The following TEX261 variants were observed in gnomAD, a reference collection of about 807,000 sequenced individuals.
The protein encoded by TEX261 is testis expressed 261.
Under a neutral mutation model 25.1 loss-of-function variants are expected in TEX261, and 13 were observed. The observed-to-expected ratio is 0.52, with a 90% CI of 0.34 to 0.82. TEX261 has a LOEUF of 0.82. Ranked by LOEUF, TEX261 falls within the 40% of genes least tolerant of loss-of-function variation. The pLI is 0.02. For missense variants in TEX261, 206 were observed against 243.2 expected (o/e 0.85, Z 1.02); for synonymous variants, 92 against 97.8 (o/e 0.94, Z 0.35).
chr2:70,989,287 T>C, intron 4 of TEX261: 1 of 526,816 alleles, frequency 1.9e-6, no homozygotes, highest in Non-Finnish European at 3.4e-6. Context: ...GCAGACAAAG[T>C]GCTAAGCCAT....
In TEX261 at chr2:70,994,832, ACCGCCGCCG is replaced by A. The variant is rs532077917; in HGVS notation, c.-84_-76del. 19 of 1,270,070 alleles carry A rather than the reference ACCGCCGCCG, an allele frequency of 1.5e-5. No individual in the cohort carries two copies. The highest frequency in any genetic ancestry group is 2.9e-5 in the South Asian group (1 of 34,534). 78.7% of individuals were successfully genotyped at this position (1,270,070 alleles called of 1,614,324 possible). ...TCGGCTCCGGCGACACACAGCCGCC[ACCGCCGCCG>A]CCGCCGCCGCGTCCCCGCCCCGCGG... On this transcript the variant is annotated 5_prime_UTR_variant, in exon 1 of 6. Coordinates refer to ENST00000272438, the MANE Select transcript of TEX261 (RefSeq NM_144582.3).
chr2:70,989,666 G>T, intron 4 of TEX261, 83 bp downstream of exon 4: 1 of 953,700 alleles, frequency 1.0e-6, no homozygotes, highest in Non-Finnish European at 1.7e-6. Flanking sequence ...TCAAATCATA[G>T]CTAAGTTTAT....
intron 2 of TEX261, among the ~76,000 whole-genome samples, chr2:70,993,070 T>C (rs530491938): frequency 2.6e-5 from 4 of 152,294 alleles, no homozygotes; most frequent in African/African-American, 9.6e-5. Context: ...AGAGTGCACA[T>C]GGCTGCTGAC....
At chr2:70,994,272 G>A (rs1161533345) in intron 1 of TEX261, among the ~76,000 whole-genome samples, 7 of 152,252 alleles carry the variant, frequency 4.6e-5, no homozygotes, top group Admixed American at 3.9e-4. Flanking sequence ...CATCTCAACT[G>A]AGGCCGAATG....
At chr2:70,991,067 C>T (rs1670290092) in intron 3 of TEX261, among the ~76,000 whole-genome samples, 1 of 152,202 alleles carries the variant, frequency 6.6e-6, no homozygotes, top group Non-Finnish European at 1.5e-5. Context: ...GCTAGGGTAG[C>T]CAGCAATGAT....
At position 70,993,768 on chromosome 2, in the gene TEX261, T is replaced by G. The variant is rs781980981; in HGVS notation, c.78A>C (p.Gly26=). 6 of 1,612,368 alleles carry G rather than the reference T, an allele frequency of 3.7e-6. No homozygotes were observed. Among genetic ancestry groups the G allele is most frequent in the Non-Finnish European group, 5.1e-6 (6 of 1,179,870 alleles). Residue 26 remains glycine, a synonymous_variant, in exon 2 of 6, where the codon GGA becomes GGC. Coordinates refer to ENST00000272438, the MANE Select transcript of TEX261 (RefSeq NM_144582.3). ...CTATCAGTTCTGCCAGGTAATAGAG[T>G]CCAGCCGCTGCAGGGTGGGAGGCAG... is the stretch of plus-strand genomic sequence containing the variant. The part of the protein sequence containing the change: ...VAFITLAVAA[G]LYYLAELIEE...
chr2:70,991,476 A>G (rs1283099816), intron 3 of TEX261, among the ~76,000 whole-genome samples: 1 of 152,218 alleles, frequency 6.6e-6, no homozygotes, highest in Non-Finnish European at 1.5e-5. Context: ...CTGCCTGCCT[A>G]CCGGAAGGGC....
At position 70,994,830 on chromosome 2, in the gene TEX261, C is replaced by T; in HGVS notation, c.-73G>A. ...CTTCGGCTCCGGCGACACACAGCCGCCACCGCCGCCGCCGCCGCCGCGTCC... is the reference window on the plus strand; with the variant it reads ...CTTCGGCTCCGGCGACACACAGCCGTCACCGCCGCCGCCGCCGCCGCGTCC... On this transcript the variant is annotated 5_prime_UTR_variant, in exon 1 of 6. Transcript: ENST00000272438. 7.8e-7 allele frequency: 1 copy of T among 1,285,412 alleles called. No homozygotes were observed. The allele number at this position is 1,285,412 out of a possible 1,614,324, so 79.6% of individuals were successfully genotyped here. A position where few individuals can be genotyped will look rare whatever the true frequency, so the allele number is the denominator to read the frequency against.
At position 70,986,270 on chromosome 2, in the gene TEX261, G is replaced by A. The variant is rs1026528316; in HGVS notation, c.*2330C>T. The A allele has an allele frequency of 1.3e-5, 2 of 152,700 alleles. No individual in the cohort carries two copies. Among genetic ancestry groups the A allele is most frequent in the Non-Finnish European group, 2.9e-5 (2 of 68,074 alleles). The allele number at this position is 152,700 out of a possible 1,614,324, so 9.5% of individuals were successfully genotyped here. A position where few individuals can be genotyped will look rare whatever the true frequency, so the allele number is the denominator to read the frequency against. On this transcript the variant is annotated 3_prime_UTR_variant, in exon 6 of 6. Coordinates refer to ENST00000272438, the MANE Select transcript of TEX261 (RefSeq NM_144582.3). Reference sequence around the variant, plus strand: ...TGCATCTCTGGATACAGGAGGCTGGGACCCAGAATGCAAGAAGGCAAGTGA... The same window carrying A: ...TGCATCTCTGGATACAGGAGGCTGGAACCCAGAATGCAAGAAGGCAAGTGA...
intron 3 of TEX261, among the ~76,000 whole-genome samples, chr2:70,991,330 G>A (rs539052969): frequency 4.9e-4 from 74 of 152,300 alleles, no homozygotes; most frequent in African/African-American, 1.6e-3. Context: ...CCGAGGCAGC[G>A]GCAGCCAGTG....
In TEX261 at chr2:70,988,285, C is replaced by A. The variant is rs1670227802; in HGVS notation, c.*315G>T. ...CTGCTCTTAAGCTTCACAGACCCTG[C>A]CCTGCCTGCCCCAGCGGGGCCAGAA... On this transcript the variant is annotated 3_prime_UTR_variant, in exon 6 of 6. Coordinates refer to ENST00000272438, the MANE Select transcript of TEX261 (RefSeq NM_144582.3). 2 of 327,296 alleles carry A rather than the reference C, an allele frequency of 6.1e-6. No individual in the cohort carries two copies. The highest frequency in any genetic ancestry group is 1.2e-5 in the Non-Finnish European group (2 of 173,180). The allele number at this position is 327,296 out of a possible 1,614,324, so 20.3% of individuals were successfully genotyped here.
Position 70,986,856 on chromosome 2 carries a change from A to C in TEX261, c.*1744T>G, listed in dbSNP as rs1353657050. ...CTAGGGAGCCCACAGCAGAACCCTG[A>C]AAGACCCTACTGTGCATGGGCAAGT... On this transcript the variant is annotated 3_prime_UTR_variant, in exon 6 of 6. Transcript: ENST00000272438. 1 of 152,260 alleles carries C rather than the reference A, an allele frequency of 6.6e-6. No individual in the cohort carries two copies. The highest frequency in any genetic ancestry group is 1.5e-5 in the Non-Finnish European group (1 of 68,074). 9.4% of individuals were successfully genotyped at this position (152,260 alleles called of 1,614,324 possible). A position where few individuals can be genotyped will look rare whatever the true frequency, so the allele number is the denominator to read the frequency against.
At position 70,994,527 on chromosome 2, in the gene TEX261, G is replaced by C. The variant is rs1480572800; in HGVS notation, c.70+161C>G. On this transcript the variant is annotated intron_variant, in intron 1 of 5. Transcript: ENST00000272438. ...ACGGTCAGGCCGGGCTGCCAGGCTCGACAGGAGGGGCAGGATCAGGCGGGA... is the reference window on the plus strand; with the variant it reads ...ACGGTCAGGCCGGGCTGCCAGGCTCCACAGGAGGGGCAGGATCAGGCGGGA... The C allele has an allele frequency of 1.0e-5, 11 of 1,060,782 alleles. No homozygotes were observed. In the Admixed American group the frequency reaches 1.5e-4, roughly 15 times the overall value. 65.7% of individuals were successfully genotyped at this position (1,060,782 alleles called of 1,614,324 possible).
intron 2 of TEX261, among the ~76,000 whole-genome samples, chr2:70,993,059 C>T (rs1382967243): frequency 1.3e-5 from 2 of 152,222 alleles, no homozygotes; most frequent in African/African-American, 4.8e-5. Flanking sequence ...CAGCCATGCC[C>T]AGAGTGCACA....
chr2:70,988,883 C>T (rs1670246832), intron 5 of TEX261, 32 bp downstream of exon 5: 2 of 1,608,330 alleles, frequency 1.2e-6, no homozygotes, highest in Admixed American at 1.7e-5. Flanking sequence ...CTGGCTTGCC[C>T]CCACCTGGGC....
chr2:70,988,689 T>C lies in TEX261; in HGVS notation c.502A>G (p.Lys168Glu). 6.2e-7 allele frequency: 1 copy of C among 1,614,166 alleles called. No individual in the cohort carries two copies. The highest frequency in any genetic ancestry group is 1.6e-4 in the Middle Eastern group (1 of 6,062). The change falls in exon 6 of 6, where the codon AAA (lysine) becomes GAA (glutamate). Residue 168 changes from lysine (K) to glutamate (E), a missense_variant. Coordinates refer to ENST00000272438, the MANE Select transcript of TEX261 (RefSeq NM_144582.3). ...GDDVVSNYFT[K>E]GKRGKRLGIL... ...CCTAAGCGTTTGCCCCGCTTGCCTTTGGTGAAATAATTGGAGACGACATCA... is the reference window on the plus strand; with the variant it reads ...CCTAAGCGTTTGCCCCGCTTGCCTTCGGTGAAATAATTGGAGACGACATCA...
intron 4 of TEX261, 118 bp downstream of exon 4, chr2:70,989,631 A>T: frequency 1.3e-6 from 1 of 764,518 alleles, no homozygotes; most frequent in Non-Finnish European, 2.2e-6. Flanking sequence ...TTTTTCAAAC[A>T]TGTAATCCTT....
Position 70,986,519 on chromosome 2 carries a change from G to C in TEX261, c.*2081C>G, listed in dbSNP as rs1407607067. 6.5e-6 allele frequency: 1 copy of C among 152,696 alleles called. No homozygotes were observed. The highest frequency in any genetic ancestry group is 1.5e-5 in the Non-Finnish European group (1 of 68,070). 9.5% of individuals were successfully genotyped at this position (152,696 alleles called of 1,614,324 possible). On this transcript the variant is annotated 3_prime_UTR_variant, in exon 6 of 6. Coordinates refer to ENST00000272438, the MANE Select transcript of TEX261 (RefSeq NM_144582.3). The stretch of plus-strand genomic sequence containing the variant: ...TCCAGGTGAAAGCTGATGACAGTGG[G>C]AGTGGCTCAAATCAAGAGATGTTAA...
chr2:70,988,354 C>A lies in TEX261; in HGVS notation c.*246G>T. On this transcript the variant is annotated 3_prime_UTR_variant, in exon 6 of 6. Transcript: ENST00000272438. Reference sequence around the variant, plus strand: ...AAGGGACAGGGGAGGACTGAGGGACCTCGGCCTCCTGGCTAAGCAGGCTCT... The same window carrying A: ...AAGGGACAGGGGAGGACTGAGGGACATCGGCCTCCTGGCTAAGCAGGCTCT... 1 of 493,146 alleles carries A rather than the reference C, an allele frequency of 2.0e-6. No homozygotes were observed. Among genetic ancestry groups the A allele is most frequent in the Non-Finnish European group, 3.7e-6 (1 of 269,878 alleles). 30.5% of individuals were successfully genotyped at this position (493,146 alleles called of 1,614,324 possible).
Sources: gnomAD v4.1 joint callset for allele counts (sites outside exome capture counted in the v4.1 genomes callset) on GRCh38, gnomAD v4.1.1 for gene constraint, MANE v1.5 for transcripts, NCBI Gene and HGNC (gene_info 2026-07-23, HGNC 2026-07-21) for gene names.